SV2C: variants seen among roughly 807,000 people sequenced by gnomAD.
SV2C encodes the protein solute carrier family 22 member B3.
SV2C carries 49 observed loss-of-function variants against 79.7 expected under a neutral mutation model. That is an observed-to-expected ratio of 0.61 (90% CI 0.49 to 0.78). The LOEUF (loss-of-function observed/expected upper bound fraction) is 0.78. Among genes scored for constraint, SV2C ranks in the 30% least tolerant of loss-of-function variants. The pLI, the probability that SV2C is intolerant of heterozygous loss-of-function variation, is 0.00. For missense variants in SV2C, 833 were observed against 912.9 expected (o/e 0.91, Z 1.13); for synonymous variants, 334 against 333.2 (o/e 1.00, Z -0.03).
At chr5:76,241,883 G>A in intron 4 of SV2C, 1 of 611,164 alleles carries the variant, frequency 1.6e-6, no homozygotes, top group Non-Finnish European at 2.9e-6. Flanking sequence ...ACAATGAAGT[G>A]TTCTATGTGC....
At chr5:75,925,250 C>G in the SV2C span, among the ~76,000 whole-genome samples, 5 of 152,168 alleles carry the variant, frequency 3.3e-5, no homozygotes. Context: ...CCATCAGGCT[C>G]AGCACAGAGG....
chr5:76,047,620 T>C, the SV2C span, among the ~76,000 whole-genome samples: 13 of 152,164 alleles, frequency 8.5e-5, no homozygotes, highest in Non-Finnish European at 4.4e-5. Flanking sequence ...TATTCTATCA[T>C]TATTAGAGGA....
At chr5:75,898,677 G>A in the SV2C span, among the ~76,000 whole-genome samples, 12 of 152,116 alleles carry the variant, frequency 7.9e-5, no homozygotes, top group Admixed American at 2.6e-4. Flanking sequence ...GGTAGAATTT[G>A]GCTGTGAATC....
chr5:76,242,399 G>A, intron 4 of SV2C: 1 of 713,262 alleles, frequency 1.4e-6, no homozygotes, highest in East Asian at 3.4e-5. Context: ...TCTTCACACT[G>A]CTCCGGTCTC....
the SV2C span, among the ~76,000 whole-genome samples, chr5:76,073,544 T>TAAATAC: frequency 5.0e-5 from 6 of 121,096 alleles, no homozygotes; most frequent in African/African-American, 1.9e-4. Flanking sequence ...TATATATATA[T>TAAATAC]ACACCATGGA....
rs568506506 is a variant in SV2C, at chr5:76,263,828, C to A, written c.914-21334C>A. ...TGAGTAGGGTTCCCTTTGTAGGTAA[C>A]CTGACCTTTTTCTCTGGCTGCCCTT... On this transcript the variant is annotated intron_variant, in intron 4 of 12. Transcript: ENST00000502798. Among the ~76,000 whole-genome samples the A allele has an allele frequency of 1.3e-5, 2 of 152,028 alleles. 1 individual carries two copies. Among genetic ancestry groups the A allele is most frequent in the Non-Finnish European group, 2.9e-5 (2 of 67,972 alleles).
chr5:76,321,030 A>G (rs1259970320), intron 12 of SV2C, among the ~76,000 whole-genome samples: 1 of 152,192 alleles, frequency 6.6e-6, no homozygotes, highest in Non-Finnish European at 1.5e-5. Flanking sequence ...TAACTCACAG[A>G]CTGGATTTGT....
the SV2C span, among the ~76,000 whole-genome samples, chr5:76,043,696 C>T: frequency 6.6e-6 from 1 of 152,110 alleles, no homozygotes; most frequent in African/African-American, 2.4e-5. Context: ...GAGTGTATAA[C>T]TTTAATTATT....
At chr5:75,916,689 G>A in the SV2C span, among the ~76,000 whole-genome samples, 1 of 152,118 alleles carries the variant, frequency 6.6e-6, no homozygotes, top group Non-Finnish European at 1.5e-5. Context: ...TGATCAGGCT[G>A]GTCTTGAACT....
intron 4 of SV2C, among the ~76,000 whole-genome samples, chr5:76,241,302 C>T (rs1160628434): frequency 6.6e-6 from 1 of 150,724 alleles, no homozygotes; most frequent in African/African-American, 2.5e-5. Flanking sequence ...TATACAACAA[C>T]TTTCAAACTC....
chr5:75,896,034 G>C, the SV2C span, among the ~76,000 whole-genome samples: 1 of 151,700 alleles, frequency 6.6e-6, no homozygotes, highest in East Asian at 1.9e-4. Context: ...TATCTAAATT[G>C]TCAGTAATTG....
intron 12 of SV2C, among the ~76,000 whole-genome samples, chr5:76,307,017 A>G (rs1051872077): frequency 2.6e-5 from 4 of 152,144 alleles, no homozygotes; most frequent in East Asian, 3.9e-4. Flanking sequence ...TTTTTTCCCA[A>G]TAGGAATAAA....
chr5:76,285,772 AT>A lies in SV2C; in HGVS notation c.1048-6del. On this transcript the variant is annotated splice_region_variant and splice_polypyrimidine_tract_variant and intron_variant, in intron 5 of 12. Coordinates refer to ENST00000502798, the MANE Select transcript of SV2C (RefSeq NM_014979.4). The stretch of plus-strand genomic sequence containing the variant: ...TCCTAGCGCTTCACTGTCCACTCTC[AT>A]TTCTTAGGTTGGAAAACATGATGAA... 6.2e-7 allele frequency: 1 copy of A among 1,612,896 alleles called. No homozygotes were observed. The highest frequency in any genetic ancestry group is 8.5e-7 in the Non-Finnish European group (1 of 1,179,448).
At chr5:76,348,143 T>C (rs1321566912) in intron 12 of SV2C, among the ~76,000 whole-genome samples, 1 of 152,242 alleles carries the variant, frequency 6.6e-6, no homozygotes, top group Non-Finnish European at 1.5e-5. Context: ...TTTTGCTTTT[T>C]CCAAATGTCA....
intron 4 of SV2C, among the ~76,000 whole-genome samples, chr5:76,241,604 AG>A (rs1470474579): frequency 6.6e-6 from 1 of 151,736 alleles, no homozygotes; most frequent in Non-Finnish European, 1.5e-5. Flanking sequence ...ACCAATGACT[AG>A]GGGTCAGGTC....
chr5:76,052,107 T>C, the SV2C span, among the ~76,000 whole-genome samples: 1 of 152,156 alleles, frequency 6.6e-6, no homozygotes, highest in Non-Finnish European at 1.5e-5. Flanking sequence ...CTTGACACCA[T>C]TGGGAGCTAT....
the SV2C span, chr5:75,911,015 C>T: frequency 9.5e-7 from 1 of 1,056,124 alleles, no homozygotes; most frequent in Non-Finnish European, 1.5e-6. Context: ...ACCTACTAGT[C>T]CCTCTACACT....
chr5:76,013,315 C>T, the SV2C span, among the ~76,000 whole-genome samples: 215 of 152,240 alleles, frequency 1.4e-3, 6 homozygotes, highest in East Asian at 0.04. Flanking sequence ...TTGAAGAGGT[C>T]CTTCACATCC....
intron 4 of SV2C, chr5:76,242,212 C>A: frequency 1.0e-6 from 1 of 977,310 alleles, no homozygotes; most frequent in South Asian, 1.3e-5. Flanking sequence ...GTTTAGCAGA[C>A]AACCTCGCGG....
Sources: allele counts gnomAD v4.1 joint callset (sites outside exome capture counted in the v4.1 genomes callset), GRCh38; gene constraint gnomAD v4.1.1; transcripts MANE v1.5; gene names NCBI Gene and HGNC (gene_info 2026-07-23, HGNC 2026-07-21).